The following AGBL1 variants were observed in gnomAD, a reference collection of about 807,000 sequenced individuals.
AGBL1 encodes the protein cytosolic carboxypeptidase 4.
Under a neutral mutation model 118.9 loss-of-function variants are expected in AGBL1, and 130 were observed. That is an observed-to-expected ratio of 1.09 (90% CI 0.95 to 1.26). The LOEUF (loss-of-function observed/expected upper bound fraction) is 1.26, where lower values mean the gene tolerates loss of function less well. Among genes scored for constraint, AGBL1 ranks in the 50% most tolerant of loss-of-function variants. The probability of loss-of-function intolerance (pLI) is 0.00; values close to 1 mark genes in which losing one functional copy is unlikely to be tolerated. For synonymous variants in AGBL1, 555 were observed against 478.9 expected (o/e 1.16, Z -2.08); for missense variants, 1,584 against 1,298.1 (o/e 1.22, Z -3.38).
chr15:86,113,261 C>CTTTTCT (rs1268457529), intron 1 of AGBL1, among the ~76,000 whole-genome samples: 1 of 59,222 alleles, frequency 1.7e-5, no homozygotes, highest in Non-Finnish European at 3.8e-5. Flanking sequence ...TCTTTTCTTT[C>CTTTTCT]TTTCTTTCTT....
intron 5 of AGBL1, among the ~76,000 whole-genome samples, chr15:86,159,782 C>T (rs1036205774): frequency 1.3e-5 from 2 of 152,060 alleles, no homozygotes; most frequent in African/African-American, 4.8e-5. Context: ...CATTTCCATG[C>T]CCAACCATGA....
At chr15:86,625,054 G>A (rs953325403) in intron 21 of AGBL1, among the ~76,000 whole-genome samples, 2 of 152,154 alleles carry the variant, frequency 1.3e-5, no homozygotes, top group African/African-American at 2.4e-5. Context: ...ACGCAGCACC[G>A]GCTCCCTCAT....
chr15:86,293,508 A>G (rs1398427544), intron 16 of AGBL1, among the ~76,000 whole-genome samples: 5 of 152,136 alleles, frequency 3.3e-5, no homozygotes, highest in Non-Finnish European at 7.4e-5. Context: ...TCTGCTTTTA[A>G]TCATGTTGTG....
chr15:86,702,500 C>A (rs1013075686), intron 22 of AGBL1, among the ~76,000 whole-genome samples: 3 of 152,048 alleles, frequency 2.0e-5, no homozygotes, highest in Admixed American at 6.6e-5. Context: ...TCTTTTCTTA[C>A]CCTTTCAAAA....
intron 3 of AGBL1, among the ~76,000 whole-genome samples, chr15:86,151,698 A>G (rs2077113563): frequency 6.6e-6 from 1 of 152,228 alleles, no homozygotes; most frequent in South Asian, 2.1e-4. Context: ...AGAGAAAGAA[A>G]TAAAGAGTAT....
chr15:86,519,398 A>G (rs1287287115), intron 18 of AGBL1, among the ~76,000 whole-genome samples: 1 of 152,170 alleles, frequency 6.6e-6, no homozygotes, highest in African/African-American at 2.4e-5. Flanking sequence ...AGCAGCTGTC[A>G]TTTCAGAAAT....
chr15:86,622,615 A>G (rs547249145), intron 21 of AGBL1, among the ~76,000 whole-genome samples: 8 of 152,222 alleles, frequency 5.3e-5, no homozygotes, highest in Admixed American at 5.2e-4. Context: ...CATTTAAGGC[A>G]AGTTCTGGAT....
intron 19 of AGBL1, among the ~76,000 whole-genome samples, chr15:86,537,230 C>A (rs1171394445): frequency 6.6e-6 from 1 of 152,200 alleles, no homozygotes; most frequent in African/African-American, 2.4e-5. Context: ...TGTTATAGGT[C>A]AAAAAGACTA....
chr15:86,894,907 T>C (rs946671646), intron 22 of AGBL1, among the ~76,000 whole-genome samples: 2 of 152,178 alleles, frequency 1.3e-5, no homozygotes, highest in Non-Finnish European at 2.9e-5. Flanking sequence ...GGCAGTTTTA[T>C]TGCATTTTGC....
rs1167324711 is a variant in AGBL1 at position 86,613,532 on chromosome 15, A to G, written c.2994+58995A>G. 6.6e-6 allele frequency among the ~76,000 whole-genome samples: 1 copy of G among 152,210 alleles called. No homozygotes were observed. Among genetic ancestry groups the G allele is most frequent in the Non-Finnish European group, 1.5e-5 (1 of 68,028 alleles). On this transcript the variant is annotated intron_variant, in intron 21 of 22. Coordinates refer to ENST00000614907, the MANE Select transcript of AGBL1 (RefSeq NM_001386094.1). This position sits in a 1 kb window ranked among gnomAD's most constrained non-coding sequence, Gnocchi z 4.2. The stretch of plus-strand genomic sequence containing the variant: ...TGTGAAAGAGAGATTAGGATTATTC[A>G]GTGTGTTTATAAGAGCTAGAACTAG...
chr15:86,328,233 A>C (rs1488308209), intron 17 of AGBL1, among the ~76,000 whole-genome samples: 1 of 152,218 alleles, frequency 6.6e-6, no homozygotes, highest in Non-Finnish European at 1.5e-5. Flanking sequence ...TCCCACAACA[A>C]GAGCAAAAAC....
intron 22 of AGBL1, among the ~76,000 whole-genome samples, chr15:86,856,815 T>C (rs2079488817): frequency 6.6e-6 from 1 of 152,234 alleles, no homozygotes; most frequent in Admixed American, 6.5e-5. Flanking sequence ...CCTCTTATTC[T>C]TGCAACAACC....
At chr15:86,086,697 A>G (rs2141449502) in intron 1 of AGBL1, among the ~76,000 whole-genome samples, 1 of 152,306 alleles carries the variant, frequency 6.6e-6, no homozygotes, top group East Asian at 1.9e-4. Context: ...AACCTACAGT[A>G]ACATGGAGGA....
rs569386428 is a variant in AGBL1 at position 86,177,447 on chromosome 15, C to T, written c.488+18421C>T. Among the ~76,000 whole-genome samples, 12 of 152,236 alleles carry T rather than the reference C, an allele frequency of 7.9e-5. No homozygotes were observed. In the East Asian group the frequency reaches 2.3e-3, roughly 29 times the overall value. On this transcript the variant is annotated intron_variant, in intron 5 of 22. Transcript: ENST00000614907. ...TAAATAACACTATCAATGAATGTGGCTTAACTGATATTCATAGGATACTTT... is the reference window on the plus strand; with the variant it reads ...TAAATAACACTATCAATGAATGTGGTTTAACTGATATTCATAGGATACTTT...
intron 21 of AGBL1, among the ~76,000 whole-genome samples, chr15:86,569,637 A>G (rs1338397916): frequency 6.6e-6 from 1 of 152,166 alleles, no homozygotes; most frequent in Non-Finnish European, 1.5e-5. Context: ...ATGTAGTAAA[A>G]TATTGTCCTC....
intron 23 of AGBL1, among the ~76,000 whole-genome samples, chr15:86,946,851 A>AG (rs1439576068): frequency 1.4e-5 from 2 of 146,200 alleles, no homozygotes; most frequent in Non-Finnish European, 3.0e-5. Context: ...TCCAAAAAAA[A>AG]AAAAAAAAAA....
Position 86,912,758 on chromosome 15 carries a change from C to G in AGBL1, c.*5464C>G, listed in dbSNP as rs367877466. The G allele has an allele frequency of 2.6e-5, 4 of 152,126 alleles. No individual in the cohort carries two copies. Among genetic ancestry groups the G allele is most frequent in the Non-Finnish European group, 5.9e-5 (4 of 68,038 alleles). 9.4% of individuals were successfully genotyped at this position (152,126 alleles called of 1,614,324 possible). On this transcript the variant is annotated 3_prime_UTR_variant, in exon 23 of 23. Transcript: ENST00000614907. ...CCTTGTTAGGGCCACAGAAGAATGA[C>G]TCGCATGGTGGATCTCAGCATTTGG...
chr15:86,722,476 C>G (rs1234806041), intron 22 of AGBL1, among the ~76,000 whole-genome samples: 1 of 152,112 alleles, frequency 6.6e-6, no homozygotes, highest in African/African-American at 2.4e-5. Flanking sequence ...GAAACTGGAT[C>G]CCTTCCTTAC....
intron 1 of AGBL1, among the ~76,000 whole-genome samples, chr15:86,135,010 T>A (rs1442767471): frequency 1.3e-5 from 2 of 151,994 alleles, no homozygotes; most frequent in East Asian, 1.9e-4. Context: ...TGAACCCCAA[T>A]GTTGGAGTTG....
Sources: gnomAD v4.1 joint callset for allele counts (sites outside exome capture counted in the v4.1 genomes callset) on GRCh38, gnomAD v4.1.1 for gene constraint, Gnocchi (gnomAD v3.1) non-coding constraint, MANE v1.5 for transcripts, NCBI Gene and HGNC (gene_info 2026-07-23, HGNC 2026-07-21) for gene names.